Variants in KAZN observed in about 807,000 individuals in gnomAD.
The protein encoded by KAZN is kazrin, periplakin interacting protein.
In KAZN, 40 loss-of-function variants were observed where a neutral mutation model predicts 87.4. The ratio of observed to expected loss-of-function variants is 0.46; its 90% CI spans 0.36 to 0.60. KAZN has a LOEUF of 0.60. KAZN is among the 20% of genes least tolerant of loss of function. The pLI is 0.00. For synonymous variants in KAZN, 466 were observed against 458.3 expected, an observed-to-expected ratio of 1.02 and a Z score of -0.22; for missense variants, 898 against 1,073.9, an observed-to-expected ratio of 0.84 and a Z score of 2.29.
intron 1 of KAZN, among the ~76,000 whole-genome samples, chr1:14,091,433 G>A (rs1643990814): frequency 6.6e-6 from 1 of 152,150 alleles, no homozygotes; most frequent in Non-Finnish European, 1.5e-5. Flanking sequence ...GTATGTATGT[G>A]TGCTTGTATG....
At chr1:14,571,404 C>G (rs1167841883) in intron 2 of KAZN, among the ~76,000 whole-genome samples, 1 of 152,198 alleles carries the variant, frequency 6.6e-6, no homozygotes, top group Non-Finnish European at 1.5e-5. Flanking sequence ...CGTCTGCTCA[C>G]TGAATTCACT....
At chr1:14,514,020 C>T (rs1195026555) in intron 2 of KAZN, among the ~76,000 whole-genome samples, 1 of 150,946 alleles carries the variant, frequency 6.6e-6, no homozygotes, top group East Asian at 2.0e-4. Context: ...CCAGCTGAGC[C>T]GAAAAAAAAT....
chr1:14,996,765 G>C lies in KAZN; in HGVS notation c.418+35890G>C, dbSNP rs558595784. On this transcript the variant is annotated intron_variant, in intron 2 of 14. Coordinates refer to ENST00000376030, the MANE Select transcript of KAZN (RefSeq NM_201628.3). The surrounding 1 kb of genome is among the most constrained non-coding windows in gnomAD (Gnocchi z 5.9). ...GAAAGGGCTGATGCTCCCAAAGGCA[G>C]GCCACTTGCAGGAAGACACACCACG... Among the ~76,000 whole-genome samples, 1 of 152,300 alleles carries C rather than the reference G, an allele frequency of 6.6e-6. No individual in the cohort carries two copies. The highest frequency in any genetic ancestry group is 2.4e-5 in the African/African-American group (1 of 41,566).
chr1:14,911,200 G>A (rs774364014), intron 1 of KAZN, among the ~76,000 whole-genome samples: 9 of 152,254 alleles, frequency 5.9e-5, no homozygotes, highest in Non-Finnish European at 1.3e-4. Flanking sequence ...CCCCAGGACA[G>A]AGGTCAGGAA....
At chr1:14,956,243 A>G (rs944285666) in intron 1 of KAZN, among the ~76,000 whole-genome samples, 9 of 151,144 alleles carry the variant, frequency 6.0e-5, no homozygotes, top group African/African-American at 2.2e-4. Flanking sequence ...TTCCTGGACA[A>G]TAGTAAACAA....
rs774392230 is a variant in KAZN at position 14,802,314 on chromosome 1, G to A, written c.227-158370G>A. 5.3e-5 allele frequency among the ~76,000 whole-genome samples: 8 copies of A among 151,152 alleles called. No homozygotes were observed. The South Asian group carries it at 1.5e-3, about 28-fold the overall frequency. ...AGCTATTAGGGAGGATGAGGCAAGA[G>A]AACTGCTTGAACCCGGGAAGCGGAG... On this transcript the variant is annotated intron_variant, in intron 1 of 14. Coordinates refer to ENST00000376030, the MANE Select transcript of KAZN (RefSeq NM_201628.3).
chr1:14,502,894 C>T (rs1198992551), intron 2 of KAZN, among the ~76,000 whole-genome samples: 2 of 152,170 alleles, frequency 1.3e-5, no homozygotes, highest in Admixed American at 6.5e-5. Flanking sequence ...TGCTCAATGA[C>T]ACAGTTAATG....
intron 2 of KAZN, among the ~76,000 whole-genome samples, chr1:14,207,865 T>G (rs1356260742): frequency 6.6e-6 from 1 of 152,198 alleles, no homozygotes; most frequent in Non-Finnish European, 1.5e-5. Context: ...GGTTCACAAA[T>G]GGCTGAAAAT....
chr1:15,039,986 A>G (rs1274805663), intron 3 of KAZN, among the ~76,000 whole-genome samples: 1 of 152,258 alleles, frequency 6.6e-6, no homozygotes, highest in Non-Finnish European at 1.5e-5. Flanking sequence ...ATACCTTAAT[A>G]CTAAGATATG....
chr1:14,587,383 C>A (rs554817517), intron 2 of KAZN, among the ~76,000 whole-genome samples: 3 of 151,248 alleles, frequency 2.0e-5, no homozygotes, highest in Admixed American at 6.6e-5. Context: ...TTGCAGTGAG[C>A]CGAGATTGTG....
intron 1 of KAZN, among the ~76,000 whole-genome samples, chr1:13,917,642 T>C (rs1424566749): frequency 2.0e-5 from 3 of 151,580 alleles, no homozygotes; most frequent in African/African-American, 7.3e-5. Context: ...TAAAAAATTT[T>C]TTAAAAATTA....
At chr1:14,918,675 C>CAAAAAAAAA (rs1158537283) in intron 1 of KAZN, among the ~76,000 whole-genome samples, 1 of 37,084 alleles carries the variant, frequency 2.7e-5, no homozygotes, top group Non-Finnish European at 4.5e-5. Context: ...GACTCCATCT[C>CAAAAAAAAA]AAAAAAAAAA....
chr1:13,911,698 G>A (rs1050740600), intron 1 of KAZN, among the ~76,000 whole-genome samples: 2 of 152,100 alleles, frequency 1.3e-5, no homozygotes, highest in African/African-American at 2.4e-5. Context: ...TCACCTGGGA[G>A]GCCAGACAGA....
intron 2 of KAZN, among the ~76,000 whole-genome samples, chr1:14,533,289 A>G (rs79065569): frequency 0.015 from 2,218 of 152,240 alleles, 26 homozygotes; most frequent in Non-Finnish European, 0.021. Flanking sequence ...TAGTGGGGGG[A>G]AAATGAGATA....
chr1:14,088,022 G>T (rs1643893578), intron 1 of KAZN, among the ~76,000 whole-genome samples: 2 of 147,684 alleles, frequency 1.4e-5, no homozygotes, highest in South Asian at 2.1e-4. Context: ...GATGTATGAT[G>T]GTATTATTTC....
At chr1:14,963,221 C>G (rs1044066832) in intron 2 of KAZN, among the ~76,000 whole-genome samples, 1 of 152,162 alleles carries the variant, frequency 6.6e-6, no homozygotes, top group Non-Finnish European at 1.5e-5. Flanking sequence ...ATATAAGCAA[C>G]AAGGACTTGT....
At chr1:14,841,891 T>G (rs574589222) in intron 1 of KAZN, among the ~76,000 whole-genome samples, 4 of 152,320 alleles carry the variant, frequency 2.6e-5, no homozygotes, top group Non-Finnish European at 4.4e-5. Flanking sequence ...CACTCCAGCA[T>G]CCTGACTGAT....
chr1:14,832,635 A>G (rs1260746589), intron 1 of KAZN, among the ~76,000 whole-genome samples: 6 of 152,180 alleles, frequency 3.9e-5, no homozygotes, highest in Admixed American at 3.9e-4. Context: ...GAAAATCACA[A>G]TGCCCTAAAA....
At chr1:14,509,187 A>G (rs1670769944) in intron 2 of KAZN, among the ~76,000 whole-genome samples, 1 of 152,226 alleles carries the variant, frequency 6.6e-6, no homozygotes, top group African/African-American at 2.4e-5. Context: ...ACTATTTATT[A>G]AAGGCTGACC....
Sources: allele counts gnomAD v4.1 joint callset (sites outside exome capture counted in the v4.1 genomes callset), GRCh38; gene constraint gnomAD v4.1.1; non-coding constraint Gnocchi (gnomAD v3.1); transcripts MANE v1.5; gene names NCBI Gene and HGNC (gene_info 2026-07-23, HGNC 2026-07-21).